ADGRB3: variants seen among roughly 807,000 people sequenced by gnomAD.
ADGRB3 encodes adhesion G protein-coupled receptor B3, also known as brain-specific angiogenesis inhibitor 3.
ADGRB3 carries 37 observed loss-of-function variants against 193.4 expected under a neutral mutation model. That is an observed-to-expected ratio of 0.19 (90% CI 0.15 to 0.25). The LOEUF (loss-of-function observed/expected upper bound fraction) is 0.25. ADGRB3 is among the 10% of genes least tolerant of loss of function. ADGRB3 has a pLI of 1.00. For synonymous variants in ADGRB3, 690 were observed against 644.2 expected (o/e 1.07, Z -1.08); for missense variants, 1,637 against 1,852.9 (o/e 0.88, Z 2.14).
At chr6:68,863,785 C>G (rs1256158245) in intron 3 of ADGRB3, among the ~76,000 whole-genome samples, 1 of 152,144 alleles carries the variant, frequency 6.6e-6, no homozygotes, top group African/African-American at 2.4e-5. Context: ...TACTTAGGCT[C>G]TCTCAATATC....
At chr6:69,040,179 G>C (rs953451842) in intron 13 of ADGRB3, among the ~76,000 whole-genome samples, 2 of 152,120 alleles carry the variant, frequency 1.3e-5, no homozygotes, top group African/African-American at 4.8e-5. Context: ...AGTGACCTTT[G>C]TGTAAGGTTG....
chr6:69,053,726 TA>T (rs1323049054), intron 15 of ADGRB3, among the ~76,000 whole-genome samples: 3 of 152,256 alleles, frequency 2.0e-5, no homozygotes, highest in African/African-American at 7.2e-5. Context: ...GGCAAGCTCG[TA>T]AACTGCTCTG....
intron 10 of ADGRB3, among the ~76,000 whole-genome samples, chr6:68,981,864 ATT>A (rs1768922742): frequency 7.2e-6 from 1 of 138,394 alleles, no homozygotes; most frequent in East Asian, 2.0e-4. Flanking sequence ...TTATTTATTT[ATT>A]TATTTATTTA....
chr6:68,883,643 ACACT>A (rs1765805360), intron 3 of ADGRB3, among the ~76,000 whole-genome samples: 1 of 152,124 alleles, frequency 6.6e-6, no homozygotes, highest in Admixed American at 6.5e-5. Flanking sequence ...AAAAGCTGTA[ACACT>A]CACCGCAAAG....
intron 17 of ADGRB3, among the ~76,000 whole-genome samples, chr6:69,090,793 A>T (rs1441069101): frequency 1.3e-5 from 2 of 152,192 alleles, no homozygotes; most frequent in African/African-American, 4.8e-5. Flanking sequence ...GATTGTTTGG[A>T]TTGATTGCAA....
At chr6:68,846,582 G>A (rs1768280063) in intron 3 of ADGRB3, among the ~76,000 whole-genome samples, 1 of 152,214 alleles carries the variant, frequency 6.6e-6, no homozygotes, top group Admixed American at 6.5e-5. Flanking sequence ...GTACAGTTCA[G>A]GCTGTGGCTT....
intron 17 of ADGRB3, among the ~76,000 whole-genome samples, chr6:69,127,481 A>G (rs9294820): frequency 0.64 from 97,171 of 152,012 alleles, 32,288 homozygotes; most frequent in East Asian, 0.95. Context: ...GTTTGAAATG[A>G]CAAATTTAGC....
intron 3 of ADGRB3, among the ~76,000 whole-genome samples, chr6:68,709,275 C>T (rs956383061): frequency 1.3e-5 from 2 of 152,024 alleles, no homozygotes; most frequent in Admixed American, 6.6e-5. Context: ...CTTTCTTTTC[C>T]GGTTGAGATG....
intron 21 of ADGRB3, 90 bp from the exon 22 acceptor site, chr6:69,327,730 G>T: frequency 1.0e-6 from 1 of 985,926 alleles, no homozygotes; most frequent in South Asian, 2.1e-5. Flanking sequence ...TATCTAATTT[G>T]AGCACCTGGA....
chr6:68,728,080 T>C (rs139615054), intron 3 of ADGRB3, among the ~76,000 whole-genome samples: 2 of 151,698 alleles, frequency 1.3e-5, no homozygotes, highest in Admixed American at 6.6e-5. Context: ...AGAATGGCTT[T>C]TTACTTGTAA....
intron 3 of ADGRB3, among the ~76,000 whole-genome samples, chr6:68,764,929 T>C (rs1183216048): frequency 2.0e-5 from 3 of 152,228 alleles, no homozygotes; most frequent in African/African-American, 7.2e-5. Context: ...TATTTTGGAA[T>C]ATCTTAGGAA....
At position 69,228,404 on chromosome 6, in the gene ADGRB3, AAATG is replaced by A. The variant is rs1170960823; in HGVS notation, c.2481-4883_2481-4880del. 3.9e-5 allele frequency among the ~76,000 whole-genome samples: 6 copies of A among 152,248 alleles called. 1 individual carries two copies. Among genetic ancestry groups the A allele is most frequent in the Non-Finnish European group, 8.8e-5 (6 of 68,042 alleles). ...ATGGCATGTAGAGTGTTAATTTTATAAATGAAAGAAAGCAAGGTGAACGTATCAA... is the reference window on the plus strand; with the variant it reads ...ATGGCATGTAGAGTGTTAATTTTATAAAAGAAAGCAAGGTGAACGTATCAA... On this transcript the variant is annotated intron_variant, in intron 17 of 31. Coordinates refer to ENST00000370598, the MANE Select transcript of ADGRB3 (RefSeq NM_001704.3).
intron 26 of ADGRB3, among the ~76,000 whole-genome samples, chr6:69,343,765 T>G (rs1769028888): frequency 6.6e-6 from 1 of 152,162 alleles, no homozygotes; most frequent in Non-Finnish European, 1.5e-5. Context: ...GCCATCTGAT[T>G]CATCACAATA....
chr6:68,930,181 T>G (rs1194393459), intron 3 of ADGRB3, among the ~76,000 whole-genome samples: 3 of 152,118 alleles, frequency 2.0e-5, no homozygotes, highest in Admixed American at 6.6e-5. Flanking sequence ...GGGGTGATTG[T>G]TGTTTAGCAA....
chr6:69,334,149 C>T (rs1435852856), intron 24 of ADGRB3, among the ~76,000 whole-genome samples: 1 of 151,614 alleles, frequency 6.6e-6, no homozygotes, highest in African/African-American at 2.4e-5. Flanking sequence ...TTCTTTGTGT[C>T]CTTCCCTATA....
rs554958027 is a variant in ADGRB3 at position 68,807,544 on chromosome 6, GT to G, written c.758-123013del. ...CGTGAGCCACCGCGCCTGGCCGGATGTTAATTTTTGTTAACACGACAGTGAT... is the reference window on the plus strand; with the variant it reads ...CGTGAGCCACCGCGCCTGGCCGGATGTAATTTTTGTTAACACGACAGTGAT... On this transcript the variant is annotated intron_variant, in intron 3 of 31. Transcript: ENST00000370598. Among the ~76,000 whole-genome samples the G allele has an allele frequency of 3.9e-5, 6 of 152,036 alleles. No homozygotes were observed. The South Asian group carries it at 1.2e-3, about 32-fold the overall frequency.
chr6:69,358,681 C>A (rs1031093123), intron 28 of ADGRB3, among the ~76,000 whole-genome samples: 1 of 151,814 alleles, frequency 6.6e-6, no homozygotes, highest in Non-Finnish European at 1.5e-5. Flanking sequence ...TCCATCTGAT[C>A]ATGCCAAATA....
chr6:68,792,462 A>C (rs1172632930), intron 3 of ADGRB3, among the ~76,000 whole-genome samples: 1 of 152,136 alleles, frequency 6.6e-6, no homozygotes, highest in Non-Finnish European at 1.5e-5. Flanking sequence ...GAGGCCTTTA[A>C]ATTCTGAGTA....
At chr6:68,822,378 A>G (rs1445376302) in intron 3 of ADGRB3, among the ~76,000 whole-genome samples, 3 of 151,960 alleles carry the variant, frequency 2.0e-5, no homozygotes, top group Non-Finnish European at 4.4e-5. Context: ...ATCAAAACAC[A>G]GTGATCAAAA....
Sources: gnomAD v4.1 joint callset for allele counts (sites outside exome capture counted in the v4.1 genomes callset) on GRCh38, gnomAD v4.1.1 for gene constraint, MANE v1.5 for transcripts, NCBI Gene and HGNC (gene_info 2026-07-23, HGNC 2026-07-21) for gene names.